Variants in R3HDM1 observed in about 807,000 individuals in gnomAD.
The protein encoded by R3HDM1 is R3H domain-containing protein 1.
Under a neutral mutation model 141.1 loss-of-function variants are expected in R3HDM1, and 46 were observed. The observed-to-expected ratio is 0.33, with a 90% CI of 0.26 to 0.42. The LOEUF (loss-of-function observed/expected upper bound fraction) is 0.42. Among genes scored for constraint, R3HDM1 ranks in the 10% least tolerant of loss-of-function variants. R3HDM1 has a pLI of 1.00. For missense variants in R3HDM1, 1,184 were observed against 1,368.3 expected, an observed-to-expected ratio of 0.87 and a Z score of 2.12; for synonymous variants, 435 against 472.9, an observed-to-expected ratio of 0.92 and a Z score of 1.04.
At chr2:135,652,153 C>T (rs1180552164) in intron 18 of R3HDM1, 121 bp downstream of exon 18, 1 of 1,353,834 alleles carries the variant, frequency 7.4e-7, no homozygotes, top group Non-Finnish European at 9.6e-7. Flanking sequence ...ATAAACAAAG[C>T]ATATACTCAT....
chr2:135,600,102 GAT>G (rs1014124632), intron 1 of R3HDM1, among the ~76,000 whole-genome samples: 2 of 133,030 alleles, frequency 1.5e-5, no homozygotes, highest in African/African-American at 5.8e-5. Flanking sequence ...AAGTTCGTAT[GAT>G]TTTTTTTTTT....
chr2:135,624,874 T>C (rs2061853205), intron 7 of R3HDM1, among the ~76,000 whole-genome samples: 1 of 152,194 alleles, frequency 6.6e-6, no homozygotes, highest in Non-Finnish European at 1.5e-5. Flanking sequence ...TTGATGATCA[T>C]TTTTATATGG....
chr2:135,556,254 G>A (rs1700742273), intron 1 of R3HDM1, among the ~76,000 whole-genome samples: 2 of 152,104 alleles, frequency 1.3e-5, no homozygotes, highest in South Asian at 4.1e-4. Context: ...AGAGCAGTGG[G>A]GTTGTTTTTT....
intron 1 of R3HDM1, chr2:135,568,624 A>C (rs1208690856): frequency 6.6e-6 from 1 of 152,230 alleles, no homozygotes; most frequent in Non-Finnish European, 1.5e-5. Context: ...TGCTGGAATT[A>C]CAGGCGTGAG....
chr2:135,616,328 A>C, intron 4 of R3HDM1, 135 bp downstream of exon 4: 1 of 940,582 alleles, frequency 1.1e-6, no homozygotes, highest in Non-Finnish European at 1.5e-6. Flanking sequence ...ATTTTGTTTT[A>C]TTTGGGATTT....
chr2:135,580,303 A>G (rs1706506845), intron 1 of R3HDM1, among the ~76,000 whole-genome samples: 1 of 152,162 alleles, frequency 6.6e-6, no homozygotes, highest in Non-Finnish European at 1.5e-5. Context: ...ATCTATTGTT[A>G]CCTAAACTCT....
At chr2:135,723,737 G>A (rs542805957) in intron 26 of R3HDM1, among the ~76,000 whole-genome samples, 200 bp from the exon 27 acceptor site, 13 of 126,780 alleles carry the variant, frequency 1.0e-4, no homozygotes, top group Middle Eastern at 5.3e-3. Flanking sequence ...AGATCACACC[G>A]CTGCACTCCA....
rs532171415 is a variant in R3HDM1 at position 135,535,612 on chromosome 2, T to C, written c.-250+3979T>C. 1.2e-4 allele frequency among the ~76,000 whole-genome samples: 19 copies of C among 152,188 alleles called. No individual in the cohort carries two copies. In the East Asian group the frequency reaches 3.7e-3, roughly 29 times the overall value. ...GTATAATTGTAAACTTTAAAAAAAA[T>C]TAAATCATCTTCCACTTAATCCCCG... On this transcript the variant is annotated intron_variant, in intron 1 of 26. Coordinates refer to ENST00000683871, the MANE Select transcript of R3HDM1 (RefSeq NM_001378107.1).
intron 1 of R3HDM1, among the ~76,000 whole-genome samples, chr2:135,586,095 T>C (rs1559173772): frequency 1.3e-5 from 2 of 152,366 alleles, no homozygotes; most frequent in Middle Eastern, 3.4e-3. Context: ...GTCTCAACTT[T>C]TTTTCTTCAA....
chr2:135,641,013 A>G (rs1016388884), intron 14 of R3HDM1, among the ~76,000 whole-genome samples: 1 of 152,242 alleles, frequency 6.6e-6, no homozygotes, highest in African/African-American at 2.4e-5. Flanking sequence ...ATGCTATGCT[A>G]GTAAAATGAG....
At chr2:135,554,552 G>T (rs1045622766) in intron 1 of R3HDM1, among the ~76,000 whole-genome samples, 5 of 152,154 alleles carry the variant, frequency 3.3e-5, no homozygotes, top group African/African-American at 4.8e-5. Flanking sequence ...GGTCATATTG[G>T]TAACTATGTT....
chr2:135,626,127 T>G (rs2061994509), intron 7 of R3HDM1, among the ~76,000 whole-genome samples: 1 of 151,808 alleles, frequency 6.6e-6, no homozygotes, highest in Non-Finnish European at 1.5e-5. Flanking sequence ...AGGTATAGAG[T>G]GTCAGAATTG....
chr2:135,561,224 T>C, intron 1 of R3HDM1: 20 of 832,712 alleles, frequency 2.4e-5, no homozygotes, highest in Non-Finnish European at 2.8e-5. Flanking sequence ...CCTGTTCCAT[T>C]GATGGACAAC....
intron 1 of R3HDM1, among the ~76,000 whole-genome samples, chr2:135,577,838 CA>C (rs541600763): frequency 0.31 from 19,375 of 62,878 alleles, 1,927 homozygotes; most frequent in African/African-American, 0.47. Context: ...AACTTCATCT[CA>C]AAAAAAAAAA....
chr2:135,661,212 G>A (rs2066661575), intron 18 of R3HDM1, 58 bp from the exon 19 acceptor site: 1 of 1,588,486 alleles, frequency 6.3e-7, no homozygotes, highest in Non-Finnish European at 8.6e-7. Context: ...CTTCCTCACA[G>A]AAAAACATAT....
chr2:135,591,365 G>A (rs750132029), intron 1 of R3HDM1, among the ~76,000 whole-genome samples: 3 of 152,100 alleles, frequency 2.0e-5, no homozygotes, highest in African/African-American at 2.4e-5. Flanking sequence ...TATATCAAGC[G>A]AAATCGAATT....
At chr2:135,592,511 G>A (rs1709503869) in intron 1 of R3HDM1, among the ~76,000 whole-genome samples, 1 of 152,112 alleles carries the variant, frequency 6.6e-6, no homozygotes, top group African/African-American at 2.4e-5. Context: ...ACTTTTGAAA[G>A]AATGAATGAT....
intron 19 of R3HDM1, among the ~76,000 whole-genome samples, chr2:135,671,185 T>G (rs1399992574): frequency 6.6e-6 from 1 of 151,170 alleles, no homozygotes; most frequent in Non-Finnish European, 1.5e-5. Context: ...CTAAGCACTT[T>G]GAGGCTAACT....
At chr2:135,547,284 G>A (rs1262244370) in intron 1 of R3HDM1, among the ~76,000 whole-genome samples, 1 of 152,024 alleles carries the variant, frequency 6.6e-6, no homozygotes, top group Non-Finnish European at 1.5e-5. Context: ...AAATCAGTAT[G>A]GTGGGTCTGC....
Sources: gnomAD v4.1 joint callset for allele counts (sites outside exome capture counted in the v4.1 genomes callset) on GRCh38, gnomAD v4.1.1 for gene constraint, MANE v1.5 for transcripts, NCBI Gene and HGNC (gene_info 2026-07-23, HGNC 2026-07-21) for gene names.